The following RAB38 variants were observed in gnomAD, a reference collection of about 807,000 sequenced individuals.
RAB38 encodes RAB38, member RAS oncogene family.
A neutral mutation model predicts 18.4 loss-of-function variants in RAB38; 15 were observed. The ratio of observed to expected loss-of-function variants is 0.82; its 90% CI spans 0.55 to 1.26. The LOEUF is 1.26. Among genes scored for constraint, RAB38 ranks in the 50% most tolerant of loss-of-function variants. The probability of loss-of-function intolerance (pLI) is 0.00; values close to 1 mark genes in which losing one functional copy is unlikely to be tolerated. For missense variants in RAB38, 294 were observed against 267.4 expected (o/e 1.10, Z -0.69); for synonymous variants, 101 against 104.4 (o/e 0.97, Z 0.20).
the RAB38 span, among the ~76,000 whole-genome samples, chr11:88,055,040 A>G: frequency 6.6e-6 from 1 of 152,218 alleles, no homozygotes; most frequent in Non-Finnish European, 1.5e-5. Context: ...ATCTGTAAGT[A>G]ACCACTTAAC....
the RAB38 span, among the ~76,000 whole-genome samples, chr11:87,871,448 C>T: frequency 6.6e-6 from 1 of 151,602 alleles, no homozygotes; most frequent in Non-Finnish European, 1.5e-5. Flanking sequence ...GGTGTACACA[C>T]AAATACAAAT....
the RAB38 span, among the ~76,000 whole-genome samples, chr11:87,970,501 C>G: frequency 6.6e-6 from 1 of 152,038 alleles, no homozygotes; most frequent in Non-Finnish European, 1.5e-5. Context: ...GCCCGAGTGC[C>G]TCACATACCT....
Position 88,174,059 on chromosome 11 carries a change from G to A in RAB38, c.202+1124C>T, listed in dbSNP as rs911865647. 1.1e-5 allele frequency: 11 copies of A among 985,302 alleles called. No homozygotes were observed. In the African/African-American group the frequency reaches 1.9e-4, roughly 17 times the overall value. The allele number at this position is 985,302 out of a possible 1,614,324, so 61.0% of individuals were successfully genotyped here. On this transcript the variant is annotated intron_variant, in intron 1 of 2. Transcript: ENST00000243662. ...AAAGGTTCCTGGTGTCACAGACCAT[G>A]AAATAAGACTGTTTGAAGTTGTTCC...
At chr11:87,948,480 CAAAGGGAATGCTTCCAGTTTTT>C in the RAB38 span, among the ~76,000 whole-genome samples, 1 of 151,746 alleles carries the variant, frequency 6.6e-6, no homozygotes, top group Non-Finnish European at 1.5e-5. Flanking sequence ...TGCCAGTTTT[CAAAGGGAATGCTTCCAGTTTTT>C]GCCCATTCAG....
chr11:88,124,126 A>T (rs950146881), intron 2 of RAB38, among the ~76,000 whole-genome samples: 3 of 152,242 alleles, frequency 2.0e-5, no homozygotes, highest in Non-Finnish European at 4.4e-5. Context: ...GGATGTGTTG[A>T]TAAAGCTAAA....
the RAB38 span, among the ~76,000 whole-genome samples, chr11:88,024,908 C>CA: frequency 3.0e-4 from 35 of 117,490 alleles, no homozygotes; most frequent in Middle Eastern, 0.013. Context: ...TTAATGGGCA[C>CA]AAAAAAAATA....
At chr11:88,028,264 C>T in the RAB38 span, among the ~76,000 whole-genome samples, 1 of 152,064 alleles carries the variant, frequency 6.6e-6, no homozygotes, top group Admixed American at 6.6e-5. Flanking sequence ...GTAGATAAAA[C>T]CACAAAGATG....
chr11:88,166,665 A>G (rs1482251678), intron 1 of RAB38: 1 of 152,150 alleles, frequency 6.6e-6, no homozygotes, highest in Non-Finnish European at 1.5e-5. Context: ...ATCCAAATGA[A>G]TGACATTTCA....
chr11:87,878,525 T>C, the RAB38 span, among the ~76,000 whole-genome samples: 1 of 151,570 alleles, frequency 6.6e-6, no homozygotes, highest in Non-Finnish European at 1.5e-5. Context: ...GGGAGTGTTC[T>C]ATGGTTTCTG....
chr11:87,807,565 A>C, the RAB38 span, among the ~76,000 whole-genome samples: 1 of 152,210 alleles, frequency 6.6e-6, no homozygotes, highest in Admixed American at 6.5e-5. Context: ...TAACACATAA[A>C]ATTTAATATA....
intron 2 of RAB38, among the ~76,000 whole-genome samples, chr11:88,125,240 G>A (rs1393354852): frequency 6.6e-6 from 1 of 152,028 alleles, no homozygotes; most frequent in Non-Finnish European, 1.5e-5. Context: ...CCACAAAACT[G>A]GTGCCCAACC....
At chr11:88,026,502 GCAGTGAGCCAAGATCGCTCCA>G in the RAB38 span, among the ~76,000 whole-genome samples, 1 of 144,578 alleles carries the variant, frequency 6.9e-6, no homozygotes, top group Non-Finnish European at 1.5e-5. Flanking sequence ...GGCGGAGGTT[GCAGTGAGCCAAGATCGCTCCA>G]CTGCACTCCA....
the RAB38 span, among the ~76,000 whole-genome samples, chr11:87,892,319 C>T: frequency 7.2e-5 from 11 of 151,910 alleles, no homozygotes; most frequent in East Asian, 2.2e-3. Context: ...TTACTGAGTC[C>T]TAAAAAATTT....
the RAB38 span, among the ~76,000 whole-genome samples, chr11:87,957,222 G>C: frequency 1.4e-4 from 22 of 152,172 alleles, no homozygotes; most frequent in South Asian, 6.2e-4. Context: ...AGTTCTCTCT[G>C]AATCAAGCTT....
chr11:87,959,021 C>T, the RAB38 span, among the ~76,000 whole-genome samples: 15 of 152,234 alleles, frequency 9.9e-5, no homozygotes, highest in South Asian at 1.9e-3. Context: ...CCTCCTTCTG[C>T]GGAACTGAAA....
chr11:87,863,926 A>G, the RAB38 span, among the ~76,000 whole-genome samples: 1 of 151,842 alleles, frequency 6.6e-6, no homozygotes, highest in Admixed American at 6.6e-5. Flanking sequence ...ATGGGCTAAT[A>G]TGTATCTTCC....
the RAB38 span, among the ~76,000 whole-genome samples, chr11:88,071,247 C>CACAT: frequency 6.7e-6 from 1 of 149,558 alleles, no homozygotes; most frequent in South Asian, 2.1e-4. Flanking sequence ...GGGGAGGACA[C>CACAT]ACACACACAC....
At chr11:88,174,208 G>C (rs970767682) in intron 1 of RAB38, 6 of 543,098 alleles carry the variant, frequency 1.1e-5, no homozygotes, top group Admixed American at 6.4e-5. Flanking sequence ...CACTGAGCAG[G>C]TTAGTTAGTG....
chr11:87,950,529 G>C, the RAB38 span, among the ~76,000 whole-genome samples: 2 of 152,006 alleles, frequency 1.3e-5, no homozygotes, highest in African/African-American at 2.4e-5. Context: ...GGTACCAGTC[G>C]TTCCTTTCCA....
Sources: gnomAD v4.1 joint callset for allele counts (sites outside exome capture counted in the v4.1 genomes callset) on GRCh38, gnomAD v4.1.1 for gene constraint, MANE v1.5 for transcripts, NCBI Gene and HGNC (gene_info 2026-07-23, HGNC 2026-07-21) for gene names.